ASIP: variants seen among roughly 807,000 people sequenced by gnomAD.
ASIP encodes the protein agouti signaling protein, also known as agouti-signaling protein.
In ASIP, 11 loss-of-function variants were observed where a neutral mutation model predicts 10.3. The ratio of observed to expected loss-of-function variants is 1.07; its 90% CI spans 0.68 to 1.78. The LOEUF (loss-of-function observed/expected upper bound fraction) is 1.78. ASIP is among the 40% of genes most tolerant of loss of function. The pLI is 0.00. For synonymous variants in ASIP, 70 were observed against 70.8 expected, an observed-to-expected ratio of 0.99 and a Z score of 0.06; for missense variants, 180 against 169.2, an observed-to-expected ratio of 1.06 and a Z score of -0.35.
chr20:34,246,082 C>T, intron 1 of ASIP: 1 of 878,406 alleles, frequency 1.1e-6, no homozygotes, highest in Non-Finnish European at 1.9e-6. Context: ...ACTGAGGCAG[C>T]ACAGGAGAAT....
intron 1 of ASIP, among the ~76,000 whole-genome samples, chr20:34,223,465 C>G (rs1474294317): frequency 2.0e-5 from 3 of 149,866 alleles, no homozygotes; most frequent in Admixed American, 2.0e-4. Flanking sequence ...GGAGCGTCTC[C>G]GCCCGGCAGC....
intron 1 of ASIP, among the ~76,000 whole-genome samples, chr20:34,222,843 C>G (rs1303706079): frequency 3.3e-5 from 5 of 151,708 alleles, no homozygotes; most frequent in East Asian, 3.9e-4. Context: ...TTGGCCGGGC[C>G]GGTCTCCAGC....
chr20:34,259,598 T>C (rs928037895), intron 1 of ASIP, among the ~76,000 whole-genome samples: 1 of 151,802 alleles, frequency 6.6e-6, no homozygotes, highest in African/African-American at 2.4e-5. Flanking sequence ...ATACAAAAAT[T>C]AGCCTGGCAT....
intron 1 of ASIP, among the ~76,000 whole-genome samples, chr20:34,220,350 A>C (rs190790699): frequency 6.6e-6 from 1 of 151,906 alleles, no homozygotes; most frequent in East Asian, 1.9e-4. Flanking sequence ...TAATCCCAAC[A>C]CTTTGGGAGG....
chr20:34,206,267 A>G (rs1372435289), intron 1 of ASIP, among the ~76,000 whole-genome samples: 1 of 152,160 alleles, frequency 6.6e-6, no homozygotes, highest in African/African-American at 2.4e-5. Flanking sequence ...AAAGTCTGGG[A>G]TTGCAGGCAT....
At chr20:34,262,802 T>C (rs759028141) in intron 2 of ASIP, 30 bp from the exon 3 acceptor site, 4 of 1,613,222 alleles carry the variant, frequency 2.5e-6, no homozygotes, top group Non-Finnish European at 3.4e-6. Context: ...CAGAAACATC[T>C]GACTTTGCTC....
chr20:34,209,075 C>A (rs2034955916), intron 1 of ASIP, among the ~76,000 whole-genome samples: 1 of 152,196 alleles, frequency 6.6e-6, no homozygotes, highest in South Asian at 2.1e-4. Flanking sequence ...TGGACAGTTT[C>A]CTTTCCAATT....
chr20:34,222,055 AG>A (rs1601577784), intron 1 of ASIP, among the ~76,000 whole-genome samples: 3 of 152,256 alleles, frequency 2.0e-5, no homozygotes, highest in East Asian at 1.9e-4. Flanking sequence ...GGCTGCAGTG[AG>A]CCATAATTGT....
upstream of ASIP, among the ~76,000 whole-genome samples, chr20:34,240,320 A>G (rs2035267885): frequency 6.6e-6 from 1 of 152,180 alleles, no homozygotes; most frequent in Non-Finnish European, 1.5e-5. Flanking sequence ...TTCATGGAGC[A>G]GGTGCTGTGC....
At chr20:34,195,849 T>C (rs533001655) in intron 1 of ASIP, among the ~76,000 whole-genome samples, 1 of 152,266 alleles carries the variant, frequency 6.6e-6, no homozygotes, top group East Asian at 1.9e-4. Context: ...AACAATTACT[T>C]TTAATAGTCT....
At chr20:34,255,963 GC>G (rs2035561474) in intron 1 of ASIP, among the ~76,000 whole-genome samples, 1 of 152,202 alleles carries the variant, frequency 6.6e-6, no homozygotes, top group African/African-American at 2.4e-5. Flanking sequence ...CATCAGTCAG[GC>G]CCACCCGCAG....
intron 1 of ASIP, among the ~76,000 whole-genome samples, chr20:34,248,666 G>A (rs1482748337): frequency 6.6e-6 from 1 of 152,044 alleles, no homozygotes; most frequent in Admixed American, 6.6e-5. Flanking sequence ...CTGGTGTGGT[G>A]GCTCACACCT....
chr20:34,225,163 T>C (rs1163115668), intron 1 of ASIP, among the ~76,000 whole-genome samples: 2 of 148,450 alleles, frequency 1.3e-5, no homozygotes, highest in East Asian at 3.9e-4. Flanking sequence ...TACCTCAGCT[T>C]CCTGAGTAGC....
chr20:34,216,336 C>T (rs1037872606), intron 1 of ASIP, among the ~76,000 whole-genome samples: 3 of 152,238 alleles, frequency 2.0e-5, no homozygotes, highest in African/African-American at 4.8e-5. Context: ...CGCCAGCAGT[C>T]TCATGGAGAG....
upstream of ASIP, among the ~76,000 whole-genome samples, chr20:34,240,008 G>A (rs2035263186): frequency 6.6e-6 from 1 of 152,202 alleles, no homozygotes; most frequent in African/African-American, 2.4e-5. Context: ...AGCAAGGATT[G>A]CAGTTTGAGG....
chr20:34,266,409 A>G (rs1314134050), intron 3 of ASIP, among the ~76,000 whole-genome samples: 1 of 152,086 alleles, frequency 6.6e-6, no homozygotes, highest in Non-Finnish European at 1.5e-5. Context: ...ACGGTGGCTC[A>G]TAACTGTAAT....
chr20:34,226,741 C>T (rs2035095939), intron 1 of ASIP, among the ~76,000 whole-genome samples: 1 of 152,142 alleles, frequency 6.6e-6, no homozygotes, highest in Non-Finnish European at 1.5e-5. Context: ...CTACAGCTAA[C>T]TTACATACTT....
At chr20:34,207,220 A>G (rs6088427) in intron 1 of ASIP, among the ~76,000 whole-genome samples, 37,750 of 151,948 alleles carry the variant, frequency 0.25, 8,558 homozygotes, top group African/African-American at 0.61. Context: ...GATATTTTCT[A>G]TCTTTTCTGA....
chr20:34,262,546 C>T (rs950297223), intron 2 of ASIP, among the ~76,000 whole-genome samples: 7 of 152,164 alleles, frequency 4.6e-5, no homozygotes, highest in Admixed American at 3.9e-4. Context: ...TCACTTAGGT[C>T]GAGGGACCAG....
Sources: gnomAD v4.1 joint callset for allele counts (sites outside exome capture counted in the v4.1 genomes callset) on GRCh38, gnomAD v4.1.1 for gene constraint, MANE v1.5 for transcripts, NCBI Gene and HGNC (gene_info 2026-07-23, HGNC 2026-07-21) for gene names.